MSL2: variants seen among roughly 807,000 people sequenced by gnomAD.
The protein encoded by MSL2 is MSL complex subunit 2.
Under a neutral mutation model 35.8 loss-of-function variants are expected in MSL2, and 2 were observed. The ratio of observed to expected loss-of-function variants is 0.06; its 90% CI spans 0.02 to 0.18. The LOEUF (loss-of-function observed/expected upper bound fraction) is 0.18. MSL2 is among the 10% of genes least tolerant of loss of function. MSL2 has a pLI of 1.00. For synonymous variants in MSL2, 296 were observed against 255.7 expected (o/e 1.16, Z -1.50); for missense variants, 523 against 706.7 (o/e 0.74, Z 2.95).
chr3:136,153,422 A>G (rs1939429375), intron 1 of MSL2, among the ~76,000 whole-genome samples: 1 of 152,224 alleles, frequency 6.6e-6, no homozygotes, highest in Admixed American at 6.5e-5. Flanking sequence ...GTATCTTCAC[A>G]GAAAAAAAAA....
chr3:136,154,328 A>G (rs1939456365), intron 1 of MSL2, among the ~76,000 whole-genome samples: 1 of 152,160 alleles, frequency 6.6e-6, no homozygotes, highest in East Asian at 1.9e-4. Flanking sequence ...CTGCGACAAT[A>G]CAGTATAATG....
At chr3:136,186,890 G>A (rs1940538337) in intron 1 of MSL2, among the ~76,000 whole-genome samples, 1 of 152,176 alleles carries the variant, frequency 6.6e-6, no homozygotes, top group East Asian at 1.9e-4. Flanking sequence ...AAAAGGTAGG[G>A]AACTGCCGCT....
In MSL2 at chr3:136,193,270, GTTC is replaced by G. The variant is rs569739267; in HGVS notation, c.142+1699_142+1701del. ...TTAATAGGAACTTAAAACCTCTGAGGTTCTTAACAGTTTTAGGATAGTGGTGGT... is the reference window on the plus strand; with the variant it reads ...TTAATAGGAACTTAAAACCTCTGAGGTTAACAGTTTTAGGATAGTGGTGGT... On this transcript the variant is annotated intron_variant, in intron 1 of 1. Coordinates refer to ENST00000309993, the MANE Select transcript of MSL2 (RefSeq NM_018133.4). Among the ~76,000 whole-genome samples the G allele has an allele frequency of 1.5e-3, 230 of 152,166 alleles. 3 individuals are homozygous for G. The highest frequency in any genetic ancestry group is 4.9e-3 in the African/African-American group (204 of 41,506).
chr3:136,160,673 C>CA (rs1441339334), intron 1 of MSL2, among the ~76,000 whole-genome samples: 2 of 150,850 alleles, frequency 1.3e-5, no homozygotes, highest in East Asian at 3.9e-4. Context: ...CATGCCATTG[C>CA]ACTCCAGCCT....
chr3:136,158,644 G>T (rs1420687516), intron 1 of MSL2, among the ~76,000 whole-genome samples: 1 of 152,120 alleles, frequency 6.6e-6, no homozygotes, highest in African/African-American at 2.4e-5. Context: ...AAAAAAAAAG[G>T]CATCAAGACT....
Position 136,195,837 on chromosome 3 carries a change from G to T in MSL2, c.-724C>A. The stretch of plus-strand genomic sequence containing the variant: ...CCTCAACCCGGAGGGGAAGGCCGGG[G>T]AGGAAGTGCGCGGGCCGCCGCCGGC... On this transcript the variant is annotated 5_prime_UTR_variant, in exon 1 of 2. Coordinates refer to ENST00000309993, the MANE Select transcript of MSL2 (RefSeq NM_018133.4). The T allele has an allele frequency of 3.0e-6, 3 of 983,830 alleles. No individual in the cohort carries two copies. Among genetic ancestry groups the T allele is most frequent in the Non-Finnish European group, 3.6e-6 (3 of 828,834 alleles). 60.9% of individuals were successfully genotyped at this position (983,830 alleles called of 1,614,324 possible).
chr3:136,188,065 A>G (rs147488551), intron 1 of MSL2, among the ~76,000 whole-genome samples: 1,531 of 152,286 alleles, frequency 0.01, 29 homozygotes, highest in African/African-American at 0.033. Context: ...CTCCTACAAG[A>G]GCTCTTCATT....
chr3:136,175,503 T>C (rs1940148461), intron 1 of MSL2, among the ~76,000 whole-genome samples: 1 of 151,732 alleles, frequency 6.6e-6, no homozygotes. Context: ...CTAAGCAGCA[T>C]AGTGAAACCC....
chr3:136,153,558 T>C (rs1302658915), intron 1 of MSL2, among the ~76,000 whole-genome samples: 1 of 151,982 alleles, frequency 6.6e-6, no homozygotes, highest in Non-Finnish European at 1.5e-5. Flanking sequence ...GAGGCTGAGG[T>C]GGGCGGATCA....
At chr3:136,152,790 T>C in intron 1 of MSL2, 52 bp from the exon 2 acceptor site, 3 of 1,573,136 alleles carry the variant, frequency 1.9e-6, no homozygotes, top group Non-Finnish European at 2.6e-6. Context: ...AATTTACCAT[T>C]TCATAAACTG....
In MSL2 at chr3:136,161,741, G is replaced by A. The variant is rs956765628; in HGVS notation, c.143-9003C>T. Among the ~76,000 whole-genome samples the A allele has an allele frequency of 3.9e-5, 6 of 152,238 alleles. No individual in the cohort carries two copies. The South Asian group carries it at 8.3e-4, about 21-fold the overall frequency. On this transcript the variant is annotated intron_variant, in intron 1 of 1. Transcript: ENST00000309993. ...TGGGCACAATGGAACCTTTTAGGGGGATGAAAGTGTTCTAAAATCAGATAG... is the reference window on the plus strand; with the variant it reads ...TGGGCACAATGGAACCTTTTAGGGGAATGAAAGTGTTCTAAAATCAGATAG...
intron 1 of MSL2, among the ~76,000 whole-genome samples, chr3:136,190,943 A>C (rs181135129): frequency 1.9e-3 from 289 of 152,328 alleles, no homozygotes; most frequent in African/African-American, 6.6e-3. Context: ...GAAGGTTTAA[A>C]TATACAAAGC....
At chr3:136,161,850 A>G (rs1939714744) in intron 1 of MSL2, among the ~76,000 whole-genome samples, 1 of 152,164 alleles carries the variant, frequency 6.6e-6, no homozygotes, top group Admixed American at 6.5e-5. Flanking sequence ...CCTTCTACCT[A>G]ATGCCAATGC....
At chr3:136,170,983 A>C (rs1250068353) in intron 1 of MSL2, among the ~76,000 whole-genome samples, 7 of 152,180 alleles carry the variant, frequency 4.6e-5, no homozygotes, top group Non-Finnish European at 8.8e-5. Context: ...ATGTTTGAGA[A>C]AGTATTCTAC....
chr3:136,182,503 C>T (rs1412152479), intron 1 of MSL2, among the ~76,000 whole-genome samples: 1 of 152,096 alleles, frequency 6.6e-6, no homozygotes, highest in Non-Finnish European at 1.5e-5. Flanking sequence ...CCTGGGAATA[C>T]TTTTCAGGCC....
intron 1 of MSL2, among the ~76,000 whole-genome samples, chr3:136,193,196 A>C (rs1433555343): frequency 6.6e-6 from 1 of 152,230 alleles, no homozygotes; most frequent in Non-Finnish European, 1.5e-5. Flanking sequence ...AGTCCAGGTT[A>C]GAACTTGGGA....
intron 1 of MSL2, among the ~76,000 whole-genome samples, chr3:136,158,839 A>G (rs1939609719): frequency 6.6e-6 from 1 of 152,184 alleles, no homozygotes; most frequent in Non-Finnish European, 1.5e-5. Context: ...GAACAAACTA[A>G]TTTTTTAAAA....
At chr3:136,164,879 G>A (rs1939797958) in intron 1 of MSL2, among the ~76,000 whole-genome samples, 1 of 147,872 alleles carries the variant, frequency 6.8e-6, no homozygotes, top group African/African-American at 2.6e-5. Flanking sequence ...CACACCTTCA[G>A]ACTTTTTTTT....
intron 1 of MSL2, among the ~76,000 whole-genome samples, chr3:136,173,827 C>T (rs1576367162): frequency 6.6e-6 from 1 of 152,260 alleles, no homozygotes; most frequent in East Asian, 1.9e-4. Context: ...CCCCTACCTA[C>T]CTGTCTTCCA....
Sources: gnomAD v4.1 joint callset for allele counts (sites outside exome capture counted in the v4.1 genomes callset) on GRCh38, gnomAD v4.1.1 for gene constraint, MANE v1.5 for transcripts, NCBI Gene and HGNC (gene_info 2026-07-23, HGNC 2026-07-21) for gene names.